Variants in ENAH observed in about 807,000 individuals in gnomAD.
ENAH encodes protein enabled homolog.
A neutral mutation model predicts 78.7 loss-of-function variants in ENAH; 23 were observed. The ratio of observed to expected loss-of-function variants is 0.29; its 90% CI spans 0.21 to 0.41. The LOEUF (loss-of-function observed/expected upper bound fraction) is 0.41. Ranked by LOEUF, ENAH falls within the 10% of genes least tolerant of loss-of-function variation. ENAH has a pLI of 1.00. For synonymous variants in ENAH, 226 were observed against 241.0 expected (o/e 0.94, Z 0.58); for missense variants, 544 against 691.0 (o/e 0.79, Z 2.39).
At chr1:225,603,771 A>C (rs2096941639) in intron 1 of ENAH, among the ~76,000 whole-genome samples, 1 of 152,230 alleles carries the variant, frequency 6.6e-6, no homozygotes, top group Admixed American at 6.5e-5. Context: ...AGTTTTCAAA[A>C]TTAGACCATC....
Position 225,652,705 on chromosome 1 carries a change from A to G in ENAH, c.-15T>C, listed in dbSNP as rs557381839. ...CCTCACCTCATGGTGCCGGCGGCGC[A>G]GAGGCTTCCCCACCAGCCGGGAGAC... On this transcript the variant is annotated 5_prime_UTR_variant, in exon 1 of 14. Coordinates refer to ENST00000366843, the MANE Select transcript of ENAH (RefSeq NM_018212.6). 208 of 1,320,814 alleles carry G rather than the reference A, an allele frequency of 1.6e-4. No homozygotes were observed. In the African/African-American group the frequency reaches 3.0e-3, roughly 19 times the overall value. The allele number at this position is 1,320,814 out of a possible 1,614,324, so 81.8% of individuals were successfully genotyped here. A position where few individuals can be genotyped will look rare whatever the true frequency, so the allele number is the denominator to read the frequency against.
chr1:225,511,460 C>T (rs982468971), intron 10 of ENAH, among the ~76,000 whole-genome samples: 1 of 152,210 alleles, frequency 6.6e-6, no homozygotes, highest in Non-Finnish European at 1.5e-5. Context: ...TTATCAATAT[C>T]ACCCAAATGA....
chr1:225,560,075 T>A (rs962544357), intron 2 of ENAH, among the ~76,000 whole-genome samples: 1 of 152,092 alleles, frequency 6.6e-6, no homozygotes, highest in African/African-American at 2.4e-5. Context: ...AGCAGCACCA[T>A]AGCCAGCCTT....
chr1:225,560,474 G>A (rs2096696936), intron 2 of ENAH, among the ~76,000 whole-genome samples: 1 of 150,560 alleles, frequency 6.6e-6, no homozygotes, highest in South Asian at 2.1e-4. Context: ...CTGGGTGACA[G>A]AGTGAGACAA....
intron 1 of ENAH, chr1:225,581,429 T>C (rs1429042338): frequency 8.2e-6 from 2 of 243,936 alleles, no homozygotes; most frequent in East Asian, 1.8e-4. Flanking sequence ...GGATGAAAGA[T>C]GGAGTGGGAG....
At chr1:225,583,752 G>A (rs2096831133) in intron 1 of ENAH, among the ~76,000 whole-genome samples, 2 of 150,812 alleles carry the variant, frequency 1.3e-5, no homozygotes, top group South Asian at 4.2e-4. Flanking sequence ...AGGTTGCAGT[G>A]AGCCCAGATT....
chr1:225,553,444 C>A (rs6661982), intron 3 of ENAH, among the ~76,000 whole-genome samples: 7 of 151,986 alleles, frequency 4.6e-5, no homozygotes, highest in African/African-American at 1.7e-4. Flanking sequence ...TCAACGGATA[C>A]ACTTTTGAAA....
In ENAH at chr1:225,497,563, C is replaced by T; in HGVS notation, c.*212G>A. On this transcript the variant is annotated 3_prime_UTR_variant, in exon 14 of 14. Coordinates refer to ENST00000366843, the MANE Select transcript of ENAH (RefSeq NM_018212.6). ...TTCTCTTCCATTCTGTTGTAAAGGC[C>T]AGAAAAAAGCAGCAAACGGAGAGGG... 2.4e-6 allele frequency: 1 copy of T among 412,238 alleles called. No individual in the cohort carries two copies. 25.5% of individuals were successfully genotyped at this position (412,238 alleles called of 1,614,324 possible). A position where few individuals can be genotyped will look rare whatever the true frequency, so the allele number is the denominator to read the frequency against.
chr1:225,648,803 C>T (rs373013045), intron 1 of ENAH, among the ~76,000 whole-genome samples: 5 of 145,788 alleles, frequency 3.4e-5, no homozygotes, highest in East Asian at 4.0e-4. Context: ...AACAGGTCAG[C>T]ATATAAAACC....
intron 1 of ENAH, among the ~76,000 whole-genome samples, chr1:225,614,992 C>T (rs556249668): frequency 6.6e-6 from 1 of 151,740 alleles, no homozygotes; most frequent in East Asian, 1.9e-4. Flanking sequence ...TCCCTCTCCC[C>T]GGTCTCCCTC....
At position 225,512,989 on chromosome 1, in the gene ENAH, C is replaced by T. The variant is rs377402774; in HGVS notation, c.1246G>A (p.Gly416Arg). The change falls in exon 8 of 14, where the codon GGG (glycine) becomes AGG (arginine). Residue 416 changes from glycine to arginine, a missense_variant. This residue lies in a region of ENAH where 366 missense variants were observed against 396.1 expected (regional missense o/e 0.92). Transcript: ENST00000366843. ...GCGGAGTTCACACCAATAGCATTCC[C>T]TCCACTTGGGAAAGAGGTATCCTCC... ...RMEDTSFPSG[G>R]NAIGVNSASS... is the part of the protein sequence containing the mutation. 7 of 1,613,130 alleles carry T rather than the reference C, an allele frequency of 4.3e-6. No individual in the cohort carries two copies. The African/African-American group carries it at 9.3e-5, about 22-fold the overall frequency.
chr1:225,613,606 ACTTTG>A (rs2097004679), intron 1 of ENAH, among the ~76,000 whole-genome samples: 2 of 152,316 alleles, frequency 1.3e-5, no homozygotes, highest in East Asian at 3.9e-4. Flanking sequence ...AAAATGTGTA[ACTTTG>A]CTAGATATTT....
intron 3 of ENAH, among the ~76,000 whole-genome samples, chr1:225,539,413 A>G (rs1219866021): frequency 6.6e-6 from 1 of 152,232 alleles, no homozygotes; most frequent in African/African-American, 2.4e-5. Context: ...TGTCAACAAC[A>G]AAGTACATAT....
intron 7 of ENAH, among the ~76,000 whole-genome samples, chr1:225,514,249 C>A (rs2096399653): frequency 6.6e-6 from 1 of 152,080 alleles, no homozygotes; most frequent in Non-Finnish European, 1.5e-5. Context: ...TCACTGCAAC[C>A]TCCACCTCCC....
At chr1:225,514,515 A>G in intron 7 of ENAH, 81 bp downstream of exon 7, 1 of 1,123,272 alleles carries the variant, frequency 8.9e-7, no homozygotes, top group Non-Finnish European at 1.3e-6. Flanking sequence ...ATTTCATAAA[A>G]TTAGAATACA....
intron 3 of ENAH, among the ~76,000 whole-genome samples, chr1:225,543,388 G>T (rs2151341197): frequency 6.6e-6 from 1 of 152,312 alleles, no homozygotes; most frequent in South Asian, 2.1e-4. Context: ...CTACATGAAT[G>T]ACAATGTAAT....
chr1:225,512,978 A>G lies in ENAH; in HGVS notation c.1257T>C (p.Ile419=). Residue 419 remains isoleucine (I), a synonymous_variant, in exon 8 of 14, where the codon ATT becomes ATC. Coordinates refer to ENST00000366843, the MANE Select transcript of ENAH (RefSeq NM_018212.6). ...TTTTAGATGAGGCGGAGTTCACACC[A>G]ATAGCATTCCCTCCACTTGGGAAAG... The part of the protein sequence containing the change: ...DTSFPSGGNA[I]GVNSASSKTD... 1 of 1,613,690 alleles carries G rather than the reference A, an allele frequency of 6.2e-7. No homozygotes were observed. Among genetic ancestry groups the G allele is most frequent in the Non-Finnish European group, 8.5e-7 (1 of 1,179,794 alleles).
chr1:225,589,200 T>C (rs761869721), intron 1 of ENAH, among the ~76,000 whole-genome samples: 1 of 152,148 alleles, frequency 6.6e-6, no homozygotes, highest in East Asian at 1.9e-4. Flanking sequence ...AATTTTGCCA[T>C]CACCCCCAGA....
chr1:225,586,794 C>T (rs972553397), intron 1 of ENAH, among the ~76,000 whole-genome samples: 13 of 152,114 alleles, frequency 8.5e-5, no homozygotes, highest in Non-Finnish European at 1.0e-4. Flanking sequence ...GAAGCCAAGG[C>T]AGGCGAACCA....
Sources: allele counts gnomAD v4.1 joint callset (sites outside exome capture counted in the v4.1 genomes callset), GRCh38; gene constraint gnomAD v4.1.1; regional missense constraint gnomAD v4.1.1; transcripts MANE v1.5; gene names NCBI Gene and HGNC (gene_info 2026-07-23, HGNC 2026-07-21).